The following CRAMP1 variants were observed in gnomAD, a reference collection of about 807,000 sequenced individuals.
CRAMP1 encodes the protein protein cramped-like.
A neutral mutation model predicts 115.4 loss-of-function variants in CRAMP1; 50 were observed. The ratio of observed to expected loss-of-function variants is 0.43; its 90% CI spans 0.35 to 0.55. The LOEUF (loss-of-function observed/expected upper bound fraction) is 0.55. CRAMP1 is among the 20% of genes least tolerant of loss of function. The pLI is 0.01. For missense variants in CRAMP1, 1,679 were observed against 1,721.7 expected, an observed-to-expected ratio of 0.98 and a Z score of 0.44; for synonymous variants, 866 against 745.4, an observed-to-expected ratio of 1.16 and a Z score of -2.64.
Position 1,656,047 on chromosome 16 carries a change from C to T in CRAMP1, c.1290C>T (p.Gly430=), listed in dbSNP as rs777872973. ...GCACAGTGCACTGGCAGGAGGGCGG[C>T]CGGTGCAAGCAGAGTGCCAAGGACG... is the stretch of plus-strand genomic sequence containing the variant. ...AFCTVHWQEG[G]RCKQSAKDAH... is the part of the protein sequence containing the mutation. The change falls in exon 10 of 21, where the codon GGC becomes GGT. Residue 430 remains glycine (G), a synonymous_variant. Coordinates refer to ENST00000397412, the MANE Select transcript of CRAMP1 (RefSeq NM_020825.4). This position sits in a 1 kb window ranked among gnomAD's most constrained non-coding sequence, Gnocchi z 5.6. 35 of 1,611,410 alleles carry T rather than the reference C, an allele frequency of 2.2e-5. No homozygotes were observed.
Position 1,656,977 on chromosome 16 carries a change from G to C in CRAMP1, c.2220G>C (p.Glu740Asp). The C allele has an allele frequency of 6.5e-7, 1 of 1,539,410 alleles. No individual in the cohort carries two copies. Among genetic ancestry groups the C allele is most frequent in the African/African-American group, 1.4e-5 (1 of 73,148 alleles). Residue 740 changes from glutamate to aspartate, a missense_variant, in exon 10 of 21, where the codon GAG becomes GAC. By Grantham distance (45) the Glu-to-Asp change is conservative. Coordinates refer to ENST00000397412, the MANE Select transcript of CRAMP1 (RefSeq NM_020825.4). The surrounding 1 kb of genome is among the most constrained non-coding windows in gnomAD (Gnocchi z 5.6). The stretch of plus-strand genomic sequence containing the variant: ...GCCTCCTGAAGCTCATTTCCACCGA[G>C]GTCAACCCCAAGCTGGTGAGTGGGT... ...LSCLLKLIST[E>D]VNPKLALEAN...
At chr16:1,616,839 G>C (rs573625313) in intron 2 of CRAMP1, among the ~76,000 whole-genome samples, 1 of 147,050 alleles carries the variant, frequency 6.8e-6, no homozygotes. Flanking sequence ...TTTTGAGACT[G>C]AGTCTCACTC....
At position 1,655,973 on chromosome 16, in the gene CRAMP1, C is replaced by G. The variant is rs139383664; in HGVS notation, c.1216C>G (p.Leu406Val). The G allele has an allele frequency of 3.3e-5, 53 of 1,613,096 alleles. No individual in the cohort carries two copies. In the Middle Eastern group the frequency reaches 4.9e-4, roughly 15 times the overall value. Residue 406 changes from leucine (L) to valine (V), a missense_variant, in exon 10 of 21, where the codon CTG becomes GTG. By Grantham distance (32) the Leu-to-Val change is conservative (BLOSUM62 1). Coordinates refer to ENST00000397412, the MANE Select transcript of CRAMP1 (RefSeq NM_020825.4). ...CTTGTTCCCAGGCGAGAACTGTACACTGACACCGCTGCCGGGCGTGGCTCG... is the reference window on the plus strand; with the variant it reads ...CTTGTTCCCAGGCGAGAACTGTACAGTGACACCGCTGCCGGGCGTGGCTCG... ...LHLFPGENCTLTPLPGVARVV... is the reference protein window; with the variant it reads ...LHLFPGENCTVTPLPGVARVV...
Position 1,656,229 on chromosome 16 carries a change from C to T in CRAMP1, c.1472C>T (p.Pro491Leu). ...TTGCAGAGCTCCGGAGAGAGTTCCCCCGAAAGCGCCCCCGGGGAGGGGGCT... is the reference window on the plus strand; with the variant it reads ...TTGCAGAGCTCCGGAGAGAGTTCCCTCGAAAGCGCCCCCGGGGAGGGGGCT... ...DALQSSGESS[P>L]ESAPGEGAAL... The change falls in exon 10 of 21, where the codon CCC becomes CTC. Residue 491 changes from proline to leucine, a missense_variant. This residue lies in a region of CRAMP1 where 405 missense variants were observed against 302.6 expected (regional missense o/e 1.34). Coordinates refer to ENST00000397412, the MANE Select transcript of CRAMP1 (RefSeq NM_020825.4). This position sits in a 1 kb window ranked among gnomAD's most constrained non-coding sequence, Gnocchi z 5.6. The T allele has an allele frequency of 6.2e-7, 1 of 1,607,756 alleles. No individual in the cohort carries two copies. The highest frequency in any genetic ancestry group is 8.5e-7 in the Non-Finnish European group (1 of 1,178,536).
Position 1,652,497 on chromosome 16 carries a change from G to A in CRAMP1, c.829G>A (p.Ala277Thr), listed in dbSNP as rs2142195365. ...TKLNELIQVG[A>T]TTVRYKGRNL... ...GTTCCTTCAAAACTCTTTTCCCAGGGCCACCACTGTACGTTACAAAGGGCG... is the reference window on the plus strand; with the variant it reads ...GTTCCTTCAAAACTCTTTTCCCAGGACCACCACTGTACGTTACAAAGGGCG... The change falls in exon 7 of 21, where the codon GCC becomes ACC. Residue 277 changes from alanine (A) to threonine (T), a missense_variant and splice_region_variant. Ala to Thr is a moderately conservative substitution (Grantham distance 58, BLOSUM62 0). Coordinates refer to ENST00000397412, the MANE Select transcript of CRAMP1 (RefSeq NM_020825.4). 1 of 1,551,782 alleles carries A rather than the reference G, an allele frequency of 6.4e-7. No homozygotes were observed. Among genetic ancestry groups the A allele is most frequent in the Admixed American group, 2.0e-5 (1 of 51,012 alleles).
intron 2 of CRAMP1, among the ~76,000 whole-genome samples, chr16:1,616,518 T>C (rs1352105760): frequency 1.3e-5 from 2 of 152,274 alleles, no homozygotes; most frequent in Non-Finnish European, 2.9e-5. Flanking sequence ...CGTGGCTACT[T>C]GTATGTATAA....
intron 13 of CRAMP1, among the ~76,000 whole-genome samples, chr16:1,664,041 C>T (rs1018392292): frequency 3.3e-5 from 5 of 152,318 alleles, no homozygotes; most frequent in Admixed American, 3.3e-4. Flanking sequence ...AGGCTGCAGC[C>T]TACTGCTGTC....
chr16:1,631,656 C>G (rs1171752964), intron 3 of CRAMP1, among the ~76,000 whole-genome samples: 2 of 152,240 alleles, frequency 1.3e-5, no homozygotes, highest in Admixed American at 6.5e-5. Context: ...TTCTGAAAAT[C>G]TAAGTCACAC....
intron 4 of CRAMP1, among the ~76,000 whole-genome samples, chr16:1,633,767 G>T (rs751291802): frequency 2.0e-5 from 3 of 152,150 alleles, no homozygotes; most frequent in Non-Finnish European, 4.4e-5. Flanking sequence ...TCGTTCATTA[G>T]TGCCTTTTTG....
At chr16:1,642,036 C>T (rs1464526149) in intron 6 of CRAMP1, among the ~76,000 whole-genome samples, 1 of 152,170 alleles carries the variant, frequency 6.6e-6, no homozygotes, top group East Asian at 1.9e-4. Context: ...GCCCACTGAC[C>T]ACACCAGAGC....
intron 3 of CRAMP1, among the ~76,000 whole-genome samples, chr16:1,631,260 T>TG (rs970604209): frequency 8.5e-5 from 13 of 152,244 alleles, no homozygotes; most frequent in African/African-American, 2.9e-4. Context: ...GGCTTTATTC[T>TG]GGGGGTCATG....
intron 18 of CRAMP1, 105 bp downstream of exon 18, chr16:1,668,298 G>C (rs1006035856): frequency 8.7e-6 from 8 of 919,590 alleles, no homozygotes; most frequent in African/African-American, 6.5e-5. Flanking sequence ...TGATTTTTAC[G>C]AATTGAAAAC....
Position 1,656,285 on chromosome 16 carries a change from G to A in CRAMP1, c.1528G>A (p.Asp510Asn). The change falls in exon 10 of 21, where the codon GAC becomes AAC. Residue 510 changes from aspartate (D) to asparagine (N), a missense_variant. By Grantham distance (23) the Asp-to-Asn change is conservative. Around this residue, in one of 8 missense-constraint regions of CRAMP1, gnomAD observed 405 missense variants for 302.6 expected, o/e 1.34. Transcript: ENST00000397412. The surrounding 1 kb of genome is among the most constrained non-coding windows in gnomAD (Gnocchi z 5.6). ...ALSLSSPDAP[D>N]RPPPRHQDTG... ...AAGCTTGAGCAGCCCGGACGCTCCT[G>A]ACAGGCCTCCTCCCAGGCACCAGGA... 1 of 1,611,906 alleles carries A rather than the reference G, an allele frequency of 6.2e-7. No homozygotes were observed.
chr16:1,642,863 G>A (rs1271931489), intron 6 of CRAMP1, among the ~76,000 whole-genome samples: 1 of 152,236 alleles, frequency 6.6e-6, no homozygotes, highest in East Asian at 1.9e-4. Context: ...GCACAGAGTG[G>A]CCTGTCCGAT....
intron 11 of CRAMP1, among the ~76,000 whole-genome samples, chr16:1,660,451 T>C (rs1414162550): frequency 1.3e-5 from 2 of 152,178 alleles, no homozygotes; most frequent in African/African-American, 4.8e-5. Context: ...TAGAGAATCC[T>C]TCAGTTAGGG....
chr16:1,650,894 C>T lies in CRAMP1; in HGVS notation c.828-1602C>T, dbSNP rs1030794728. 5.3e-5 allele frequency among the ~76,000 whole-genome samples: 8 copies of T among 152,360 alleles called. No individual in the cohort carries two copies. The East Asian group carries it at 9.6e-4, about 18-fold the overall frequency. ...CATTGTCGTTCACCAGCCAGTGGGC[C>T]GCTGCCCAGAGCCATGTCTTGACTG... On this transcript the variant is annotated intron_variant, in intron 6 of 20. Coordinates refer to ENST00000397412, the MANE Select transcript of CRAMP1 (RefSeq NM_020825.4).
At chr16:1,660,295 T>TG (rs1285385773) in intron 11 of CRAMP1, among the ~76,000 whole-genome samples, 1 of 152,200 alleles carries the variant, frequency 6.6e-6, no homozygotes, top group Non-Finnish European at 1.5e-5. Context: ...TAGAAGCTGG[T>TG]GAGAAGCCAG....
At chr16:1,638,257 G>T (rs1399111597) in intron 5 of CRAMP1, among the ~76,000 whole-genome samples, 4 of 152,172 alleles carry the variant, frequency 2.6e-5, no homozygotes, top group Non-Finnish European at 5.9e-5. Context: ...TGATACCATG[G>T]TCGCACCTAG....
At chr16:1,647,187 C>A (rs2142190999) in intron 6 of CRAMP1, 1 of 615,358 alleles carries the variant, frequency 1.6e-6, no homozygotes, top group South Asian at 1.9e-5. Context: ...AACTGTGAAT[C>A]TTCTTTGGTT....
Sources: allele counts gnomAD v4.1 joint callset (sites outside exome capture counted in the v4.1 genomes callset), GRCh38; gene constraint gnomAD v4.1.1; regional missense constraint gnomAD v4.1.1; non-coding constraint Gnocchi (gnomAD v3.1); transcripts MANE v1.5; gene names NCBI Gene and HGNC (gene_info 2026-07-23, HGNC 2026-07-21).